The following MAPK10 variants were observed in gnomAD, a reference collection of about 807,000 sequenced individuals.
MAPK10 encodes JNK3 alpha protein kinase.
Under a neutral mutation model 59.3 loss-of-function variants are expected in MAPK10, and 25 were observed. The ratio of observed to expected loss-of-function variants is 0.42; its 90% confidence interval spans 0.31 to 0.59. MAPK10 has a LOEUF of 0.59. MAPK10 is among the 20% of genes least tolerant of loss of function. MAPK10 has a pLI of 0.15. For missense variants in MAPK10, 351 were observed against 568.9 expected (o/e 0.62, Z 3.90); for synonymous variants, 190 against 200.5 (o/e 0.95, Z 0.44).
In MAPK10 at chr4:86,142,796, A is replaced by G. The variant is rs567928028; in HGVS notation, c.236+16502T>C. On this transcript the variant is annotated intron_variant, in intron 4 of 13. Transcript: ENST00000641462. Reference sequence around the variant, plus strand: ...TATTTCAGAGTCTAATGGTCTCCCAAGATCCATTCCCTCCCTCCTCATGGT... The same window carrying G: ...TATTTCAGAGTCTAATGGTCTCCCAGGATCCATTCCCTCCCTCCTCATGGT... Among the ~76,000 whole-genome samples the G allele has an allele frequency of 5.3e-5, 8 of 152,268 alleles. No individual in the cohort carries two copies. The South Asian group carries it at 1.0e-3, about 20-fold the overall frequency.
intron 11 of MAPK10, among the ~76,000 whole-genome samples, chr4:86,035,891 A>G (rs1055447686): frequency 6.6e-6 from 1 of 152,184 alleles, no homozygotes; most frequent in East Asian, 1.9e-4. Flanking sequence ...ATGTGTATAG[A>G]TTTGAGACTA....
At chr4:86,035,551 T>C (rs1181796461) in intron 11 of MAPK10, among the ~76,000 whole-genome samples, 3 of 150,944 alleles carry the variant, frequency 2.0e-5, no homozygotes, top group Admixed American at 6.6e-5. Flanking sequence ...TAAAAAAATA[T>C]TGAAAGTTCT....
At chr4:86,493,897 C>G (rs934387634) in intron 1 of MAPK10, among the ~76,000 whole-genome samples, 2 of 152,162 alleles carry the variant, frequency 1.3e-5, no homozygotes, top group Non-Finnish European at 2.9e-5. Flanking sequence ...TCCTGAGAGA[C>G]AGCCCAGCCA....
At chr4:86,041,676 T>G (rs1049176629) in intron 11 of MAPK10, among the ~76,000 whole-genome samples, 2 of 152,084 alleles carry the variant, frequency 1.3e-5, no homozygotes, top group African/African-American at 2.4e-5. Flanking sequence ...AACAGACACT[T>G]CTCAAAAGAA....
At position 86,066,432 on chromosome 4, in the gene MAPK10, T is replaced by C. The variant is rs1289445294; in HGVS notation, c.985+1341A>G. 3.9e-5 allele frequency among the ~76,000 whole-genome samples: 6 copies of C among 152,146 alleles called. 1 individual carries two copies. Among genetic ancestry groups the C allele is most frequent in the African/African-American group, 1.4e-4 (6 of 41,426 alleles). ...AAATTCATGTACCATTCTCATAAGA[T>C]TCTCTCATCAAATCTATCCATTTTT... On this transcript the variant is annotated intron_variant, in intron 10 of 13. Transcript: ENST00000641462.
intron 2 of MAPK10, among the ~76,000 whole-genome samples, chr4:86,206,151 C>T (rs1434688078): frequency 2.0e-5 from 3 of 151,706 alleles, no homozygotes; most frequent in Non-Finnish European, 2.9e-5. Flanking sequence ...CCCATTAACT[C>T]GTCATTTAGC....
chr4:86,237,089 T>C (rs2092311597), intron 2 of MAPK10, among the ~76,000 whole-genome samples: 1 of 151,926 alleles, frequency 6.6e-6, no homozygotes, highest in Non-Finnish European at 1.5e-5. Context: ...GAACACGTGG[T>C]GTTTGGTTTT....
At chr4:86,207,978 T>C (rs1216758726) in intron 2 of MAPK10, among the ~76,000 whole-genome samples, 1 of 152,092 alleles carries the variant, frequency 6.6e-6, no homozygotes, top group Non-Finnish European at 1.5e-5. Flanking sequence ...AGATATACAA[T>C]TGAAAATCTA....
chr4:86,370,028 T>C (rs1372224637), intron 1 of MAPK10, among the ~76,000 whole-genome samples: 1 of 152,204 alleles, frequency 6.6e-6, no homozygotes, highest in African/African-American at 2.4e-5. Flanking sequence ...TTGAACATTC[T>C]GATTGCAATG....
chr4:86,012,047 A>T lies in MAPK10; in HGVS notation c.*5181T>A, dbSNP rs1426187355. Reference sequence around the variant, plus strand: ...CTCTTGGAAAATAGTTAAAATGAATAGAAATCTGATAATTAATCTGGGAAA... The same window carrying T: ...CTCTTGGAAAATAGTTAAAATGAATTGAAATCTGATAATTAATCTGGGAAA... On this transcript the variant is annotated 3_prime_UTR_variant, in exon 14 of 14. Coordinates refer to ENST00000641462, the MANE Select transcript of MAPK10 (RefSeq NM_138982.4). 6.6e-6 allele frequency: 1 copy of T among 152,238 alleles called. No individual in the cohort carries two copies. The highest frequency in any genetic ancestry group is 6.5e-5 in the Admixed American group (1 of 15,280). 9.4% of individuals were successfully genotyped at this position (152,238 alleles called of 1,614,324 possible).
chr4:86,551,720 G>A (rs1456502139), intron 1 of MAPK10, among the ~76,000 whole-genome samples: 1 of 151,688 alleles, frequency 6.6e-6, no homozygotes, highest in African/African-American at 2.4e-5. Context: ...TTCTCCTGCC[G>A]CAGCCTCTCC....
At chr4:86,055,493 C>G (rs1380035203) in intron 11 of MAPK10, among the ~76,000 whole-genome samples, 2 of 149,538 alleles carry the variant, frequency 1.3e-5, no homozygotes, top group East Asian at 3.9e-4. Context: ...TATAAGCTTT[C>G]CAAGTTGAAA....
chr4:86,306,307 T>C (rs914097542), intron 2 of MAPK10, among the ~76,000 whole-genome samples: 2 of 152,256 alleles, frequency 1.3e-5, no homozygotes, highest in Admixed American at 6.5e-5. Context: ...TAGATTCTCA[T>C]TCAATCTATT....
At chr4:86,482,726 C>G (rs1753700851) in intron 1 of MAPK10, among the ~76,000 whole-genome samples, 1 of 152,138 alleles carries the variant, frequency 6.6e-6, no homozygotes, top group Non-Finnish European at 1.5e-5. Flanking sequence ...ACCATTAAAA[C>G]TGTTCATCCT....
intron 4 of MAPK10, among the ~76,000 whole-genome samples, chr4:86,133,902 T>C (rs907702480): frequency 1.3e-5 from 2 of 152,220 alleles, no homozygotes; most frequent in Non-Finnish European, 2.9e-5. Context: ...CAAAAAAATA[T>C]GTAATCTTAG....
At chr4:86,278,312 T>TAG (rs2094661020) in intron 2 of MAPK10, among the ~76,000 whole-genome samples, 1 of 152,162 alleles carries the variant, frequency 6.6e-6, no homozygotes, top group Non-Finnish European at 1.5e-5. Context: ...CCTAGTACAT[T>TAG]TTGTATTAGA....
intron 2 of MAPK10, among the ~76,000 whole-genome samples, chr4:86,265,147 C>T (rs1423006370): frequency 6.6e-6 from 1 of 151,976 alleles, no homozygotes; most frequent in South Asian, 2.1e-4. Flanking sequence ...CCTCGGCCTC[C>T]CAATGACCCT....
chr4:86,094,234 G>T (rs988903624), intron 9 of MAPK10, among the ~76,000 whole-genome samples: 3 of 151,826 alleles, frequency 2.0e-5, no homozygotes, highest in Non-Finnish European at 2.9e-5. Flanking sequence ...TAATTTGAGG[G>T]TGTTTTTCTT....
chr4:86,093,784 C>A (rs1465215696), intron 9 of MAPK10, among the ~76,000 whole-genome samples: 1 of 151,930 alleles, frequency 6.6e-6, no homozygotes, highest in East Asian at 1.9e-4. Context: ...GTGAACCCTG[C>A]CTCACATTTT....
Sources: gnomAD v4.1 joint callset for allele counts (sites outside exome capture counted in the v4.1 genomes callset) on GRCh38, gnomAD v4.1.1 for gene constraint, MANE v1.5 for transcripts, NCBI Gene and HGNC (gene_info 2026-07-23, HGNC 2026-07-21) for gene names.